Variants in FRMD3 observed in about 807,000 individuals in gnomAD.
The protein encoded by FRMD3 is FERM domain-containing protein 3.
A neutral mutation model predicts 70.2 loss-of-function variants in FRMD3; 33 were observed. The ratio of observed to expected loss-of-function variants is 0.47; its 90% confidence interval spans 0.36 to 0.63. FRMD3 has a LOEUF of 0.63. Among genes scored for constraint, FRMD3 ranks in the 20% least tolerant of loss-of-function variants. FRMD3 has a pLI of 0.00. For synonymous variants in FRMD3, 279 were observed against 255.9 expected, an observed-to-expected ratio of 1.09 and a Z score of -0.86; for missense variants, 632 against 711.4, an observed-to-expected ratio of 0.89 and a Z score of 1.27.
chr9:83,532,214 C>T (rs1335861893), intron 1 of FRMD3, among the ~76,000 whole-genome samples: 1 of 152,190 alleles, frequency 6.6e-6, no homozygotes, highest in Non-Finnish European at 1.5e-5. Context: ...CCCAAAGTCA[C>T]CTGGCTAGTC....
intron 10 of FRMD3, among the ~76,000 whole-genome samples, chr9:83,302,422 G>C (rs1047856267): frequency 6.6e-6 from 1 of 152,110 alleles, no homozygotes; most frequent in African/African-American, 2.4e-5. Context: ...TTCACGTCTG[G>C]TTCTGTGACC....
chr9:83,527,638 C>T (rs1372048416), intron 1 of FRMD3, among the ~76,000 whole-genome samples: 1 of 152,120 alleles, frequency 6.6e-6, no homozygotes, highest in African/African-American at 2.4e-5. Flanking sequence ...ATTTCAGGGC[C>T]CTTCCCAAGA....
chr9:83,492,784 C>A (rs1828858626), intron 1 of FRMD3, among the ~76,000 whole-genome samples: 1 of 152,290 alleles, frequency 6.6e-6, no homozygotes, highest in Admixed American at 6.5e-5. Context: ...TCACCAGCAG[C>A]CTTCTGGTGG....
chr9:83,331,951 C>A (rs951517344), intron 6 of FRMD3: 1 of 708,510 alleles, frequency 1.4e-6, no homozygotes, highest in Non-Finnish European at 2.6e-6. Context: ...GAATCACTTC[C>A]GAAATGAAGC....
At chr9:83,453,711 A>ATTTTTT (rs59376142) in intron 1 of FRMD3, among the ~76,000 whole-genome samples, 10 of 115,078 alleles carry the variant, frequency 8.7e-5, no homozygotes, top group Non-Finnish European at 1.4e-4. Flanking sequence ...GTTTGTTTTA[A>ATTTTTT]TTTTTTTTTT....
Position 83,363,708 on chromosome 9 carries a change from C to T in FRMD3, c.295+9205G>A, listed in dbSNP as rs1284914069. Among the ~76,000 whole-genome samples the T allele has an allele frequency of 2.0e-5, 3 of 152,062 alleles. No individual in the cohort carries two copies. In the East Asian group the frequency reaches 5.8e-4, roughly 29 times the overall value. On this transcript the variant is annotated intron_variant, in intron 3 of 13. Transcript: ENST00000304195. Reference sequence around the variant, plus strand: ...TAGCTGGGACTACAGGCGCCCGCCACCTCGCCCGGCTAATTTTTTGTATTT... The same window carrying T: ...TAGCTGGGACTACAGGCGCCCGCCATCTCGCCCGGCTAATTTTTTGTATTT...
intron 2 of FRMD3, among the ~76,000 whole-genome samples, chr9:83,385,854 T>G (rs1404927140): frequency 2.0e-5 from 3 of 152,168 alleles, no homozygotes; most frequent in Non-Finnish European, 4.4e-5. Flanking sequence ...TTCCGCCTTC[T>G]CTCTCCAATG....
At chr9:83,579,679 A>C in the FRMD3 span, among the ~76,000 whole-genome samples, 1 of 152,108 alleles carries the variant, frequency 6.6e-6, no homozygotes, top group Non-Finnish European at 1.5e-5. Context: ...CTGTAAAACT[A>C]CTAGACAAAA....
intron 2 of FRMD3, among the ~76,000 whole-genome samples, chr9:83,375,735 G>A (rs752552076): frequency 4.6e-5 from 7 of 152,194 alleles, no homozygotes; most frequent in Non-Finnish European, 1.0e-4. Flanking sequence ...AGGGTGGGAG[G>A]AGGGACAGGA....
chr9:83,532,412 T>C (rs1288877937), intron 1 of FRMD3, among the ~76,000 whole-genome samples: 1 of 152,184 alleles, frequency 6.6e-6, no homozygotes, highest in African/African-American at 2.4e-5. Context: ...AAATGATATT[T>C]AACAACACAC....
chr9:83,475,422 A>G (rs1179460556), intron 1 of FRMD3, among the ~76,000 whole-genome samples: 1 of 152,136 alleles, frequency 6.6e-6, no homozygotes, highest in Non-Finnish European at 1.5e-5. Flanking sequence ...AGAAGATAAT[A>G]GTTCAATAGA....
chr9:83,334,880 C>T (rs991623655), intron 6 of FRMD3, among the ~76,000 whole-genome samples: 1 of 152,166 alleles, frequency 6.6e-6, no homozygotes, highest in Admixed American at 6.5e-5. Flanking sequence ...TGCCTCGGTT[C>T]CCTCATCTGT....
chr9:83,524,179 T>C (rs1829638934), intron 1 of FRMD3, among the ~76,000 whole-genome samples: 1 of 152,216 alleles, frequency 6.6e-6, no homozygotes, highest in Non-Finnish European at 1.5e-5. Flanking sequence ...ATCTCAAAAC[T>C]ACAAGGTAAA....
chr9:83,435,921 T>A (rs186399912), intron 1 of FRMD3, among the ~76,000 whole-genome samples: 2 of 152,254 alleles, frequency 1.3e-5, no homozygotes, highest in Non-Finnish European at 2.9e-5. Flanking sequence ...TGGATCAGGA[T>A]ATGCCACCCA....
chr9:83,551,374 T>C, the FRMD3 span, among the ~76,000 whole-genome samples: 2 of 152,212 alleles, frequency 1.3e-5, no homozygotes, highest in East Asian at 1.9e-4. Context: ...GGATTTGGTT[T>C]GCAAGTATTT....
At chr9:83,425,583 T>C (rs1826778407) in intron 1 of FRMD3, among the ~76,000 whole-genome samples, 2 of 151,950 alleles carry the variant, frequency 1.3e-5, no homozygotes, top group Admixed American at 6.6e-5. Context: ...ACCAAATGAG[T>C]GGCATAATCC....
At chr9:83,454,537 C>A (rs75672620) in intron 1 of FRMD3, among the ~76,000 whole-genome samples, 2 of 152,196 alleles carry the variant, frequency 1.3e-5, no homozygotes, top group African/African-American at 4.8e-5. Context: ...CTTTTGCAAA[C>A]GATGTATTCT....
intron 1 of FRMD3, among the ~76,000 whole-genome samples, chr9:83,447,571 GA>G (rs1827518260): frequency 1.3e-5 from 2 of 152,194 alleles, no homozygotes; most frequent in Non-Finnish European, 2.9e-5. Flanking sequence ...GCAGTGAGGG[GA>G]CCTGCAGTCA....
At chr9:83,504,878 C>T (rs77860388) in intron 1 of FRMD3, among the ~76,000 whole-genome samples, 2,854 of 152,214 alleles carry the variant, frequency 0.019, 91 homozygotes, top group African/African-American at 0.063. Context: ...GTACCTTGCA[C>T]AGTAAATATT....
Sources: allele counts gnomAD v4.1 joint callset (sites outside exome capture counted in the v4.1 genomes callset), GRCh38; gene constraint gnomAD v4.1.1; transcripts MANE v1.5; gene names NCBI Gene and HGNC (gene_info 2026-07-23, HGNC 2026-07-21).